Variants in KCNMA1 observed in about 807,000 individuals in gnomAD.
The protein encoded by KCNMA1 is Calcium-activated potassium channel subunit alpha-1.
In KCNMA1, 29 loss-of-function variants were observed where a neutral mutation model predicts 140.0. The ratio of observed to expected loss-of-function variants is 0.21; its 90% confidence interval spans 0.15 to 0.28. The LOEUF (loss-of-function observed/expected upper bound fraction) is 0.28. Among genes scored for constraint, KCNMA1 ranks in the 10% least tolerant of loss-of-function variants. KCNMA1 has a pLI of 1.00. For missense variants in KCNMA1, 880 were observed against 1,602.2 expected (o/e 0.55, Z 7.70); for synonymous variants, 612 against 611.9 (o/e 1.00, Z 0.00).
At chr10:77,498,369 G>T (rs1386948727) in intron 1 of KCNMA1, among the ~76,000 whole-genome samples, 1 of 152,206 alleles carries the variant, frequency 6.6e-6, no homozygotes, top group Non-Finnish European at 1.5e-5. Flanking sequence ...AAGAAAACTG[G>T]CCAGGGCAGG....
At chr10:77,199,760 A>T (rs2041860368) in intron 3 of KCNMA1, among the ~76,000 whole-genome samples, 1 of 152,038 alleles carries the variant, frequency 6.6e-6, no homozygotes, top group South Asian at 2.1e-4. Flanking sequence ...GGGCAGAGAG[A>T]CAGAAGCACA....
Position 77,027,888 on chromosome 10 carries a change from C to G in KCNMA1, c.1863G>C (p.Leu621=). The G allele has an allele frequency of 6.2e-7, 1 of 1,613,544 alleles. No individual in the cohort carries two copies. The highest frequency in any genetic ancestry group is 1.1e-5 in the South Asian group (1 of 91,074). The change falls in exon 16 of 28, where the codon CTG becomes CTC. Residue 621 remains leucine, a synonymous_variant. Transcript: ENST00000286628. The stretch of plus-strand genomic sequence containing the variant: ...TTAGGAGCTTGAGCTTCACAAAACA[C>G]AGCCTGCAATGAGATGGAGAAGCCT... The part of the protein sequence containing the change: ...VGLSFPTVCE[L]CFVKLKLLMI...
intron 2 of KCNMA1, among the ~76,000 whole-genome samples, chr10:77,360,935 G>A (rs1337587471): frequency 6.6e-6 from 1 of 152,114 alleles, no homozygotes; most frequent in Admixed American, 6.5e-5. Context: ...TGGGGTACTG[G>A]CAGCTCTGGG....
chr10:77,342,572 G>A (rs1163373892), intron 2 of KCNMA1, among the ~76,000 whole-genome samples: 4 of 152,208 alleles, frequency 2.6e-5, no homozygotes, highest in Admixed American at 2.6e-4. Context: ...ATCAGCTCAA[G>A]CTCACCTCCA....
At chr10:77,005,767 A>T (rs1041652456) in intron 18 of KCNMA1, among the ~76,000 whole-genome samples, 3 of 152,238 alleles carry the variant, frequency 2.0e-5, no homozygotes, top group Admixed American at 2.0e-4. Context: ...TATTCAACCA[A>T]CATTTCCATC....
chr10:77,261,072 G>T (rs1315560071), intron 2 of KCNMA1, among the ~76,000 whole-genome samples: 1 of 152,058 alleles, frequency 6.6e-6, no homozygotes, highest in East Asian at 1.9e-4. Context: ...TTAACCACCT[G>T]GGGGTCTCTA....
At position 77,121,178 on chromosome 10, in the gene KCNMA1, G is replaced by A. The variant is rs149368843; in HGVS notation, c.809-130C>T. 4.1e-5 allele frequency: 29 copies of A among 700,098 alleles called. No individual in the cohort carries two copies. In the African/African-American group the frequency reaches 4.4e-4, roughly 11 times the overall value. 43.4% of individuals were successfully genotyped at this position (700,098 alleles called of 1,614,324 possible). On this transcript the variant is annotated intron_variant, in intron 5 of 27. Transcript: ENST00000286628. ...GTTCTTGCAGAAGATAAACCAGCTG[G>A]TACCTCAGACATATTCCTTCATTCT...
At chr10:76,929,576 T>C (rs1032694370) in intron 23 of KCNMA1, among the ~76,000 whole-genome samples, 9 of 152,220 alleles carry the variant, frequency 5.9e-5, no homozygotes, top group African/African-American at 9.6e-5. Context: ...TAAATTTCTA[T>C]GGAAATGTAA....
intron 2 of KCNMA1, among the ~76,000 whole-genome samples, chr10:77,358,995 CCCCATGTT>C (rs1205714153): frequency 6.6e-6 from 1 of 152,160 alleles, no homozygotes. Context: ...TAAAAGTAAG[CCCCATGTT>C]TTGTGCATGT....
intron 1 of KCNMA1, among the ~76,000 whole-genome samples, chr10:77,453,175 C>G (rs983777718): frequency 2.6e-5 from 4 of 151,864 alleles, no homozygotes; most frequent in Non-Finnish European, 5.9e-5. Context: ...CTAGCTTGGC[C>G]CCTGTGACCA....
At chr10:77,227,964 ATT>A (rs10642363) in intron 3 of KCNMA1, among the ~76,000 whole-genome samples, 3 of 136,064 alleles carry the variant, frequency 2.2e-5, no homozygotes, top group Admixed American at 1.5e-4. Flanking sequence ...ATTTAATTTA[ATT>A]TTTTTTTTTT....
At chr10:76,925,252 C>A (rs1274899670) in intron 23 of KCNMA1, among the ~76,000 whole-genome samples, 1 of 152,206 alleles carries the variant, frequency 6.6e-6, no homozygotes, top group Non-Finnish European at 1.5e-5. Flanking sequence ...TTCAATATGG[C>A]ACAGCTTATG....
intron 2 of KCNMA1, among the ~76,000 whole-genome samples, chr10:77,401,108 A>G (rs955830341): frequency 6.8e-6 from 1 of 147,512 alleles, no homozygotes; most frequent in East Asian, 2.0e-4. Context: ...TCTGTACAAC[A>G]CCCCCTGCCT....
intron 3 of KCNMA1, among the ~76,000 whole-genome samples, chr10:77,186,301 A>G (rs1337241088): frequency 6.6e-6 from 1 of 152,022 alleles, no homozygotes; most frequent in African/African-American, 2.4e-5. Context: ...ATTAAGAGTA[A>G]CCTTTATTTG....
chr10:77,304,596 G>A (rs1426485740), intron 2 of KCNMA1: 1 of 152,122 alleles, frequency 6.6e-6, no homozygotes, highest in Non-Finnish European at 1.5e-5. Flanking sequence ...AAATAATTTG[G>A]GAAAAAATGG....
chr10:77,453,324 A>G (rs1000099856), intron 1 of KCNMA1, among the ~76,000 whole-genome samples: 2 of 151,680 alleles, frequency 1.3e-5, no homozygotes, highest in Non-Finnish European at 2.9e-5. Context: ...TCTAACAAGC[A>G]CAAGAAGTTC....
At chr10:77,589,713 T>A (rs899309323) in intron 1 of KCNMA1, among the ~76,000 whole-genome samples, 1 of 152,098 alleles carries the variant, frequency 6.6e-6, no homozygotes, top group African/African-American at 2.4e-5. Flanking sequence ...TTCTGGTGGG[T>A]TCATGGTCTC....
intron 26 of KCNMA1, among the ~76,000 whole-genome samples, chr10:76,890,434 C>G (rs529931298): frequency 1.3e-5 from 2 of 152,074 alleles, no homozygotes; most frequent in Non-Finnish European, 2.9e-5. Flanking sequence ...CAAATCTTAC[C>G]ATTATCTAAA....
At chr10:77,323,034 G>T (rs1413981490) in intron 2 of KCNMA1, among the ~76,000 whole-genome samples, 4 of 152,154 alleles carry the variant, frequency 2.6e-5, no homozygotes, top group African/African-American at 9.7e-5. Flanking sequence ...ACCAAGATCA[G>T]AATTCATAAC....
Sources: gnomAD v4.1 joint callset for allele counts (sites outside exome capture counted in the v4.1 genomes callset) on GRCh38, gnomAD v4.1.1 for gene constraint, MANE v1.5 for transcripts, NCBI Gene and HGNC (gene_info 2026-07-23, HGNC 2026-07-21) for gene names.